Variants in NLGN1 observed in about 807,000 individuals in gnomAD.
NLGN1 encodes neuroligin 1, also known as neuroligin-1.
NLGN1 carries 12 observed loss-of-function variants against 65.5 expected under a neutral mutation model. That is an observed-to-expected ratio of 0.18 (90% CI 0.12 to 0.30). The LOEUF is 0.30. Ranked by LOEUF, NLGN1 falls within the 10% of genes least tolerant of loss-of-function variation. NLGN1 has a pLI of 1.00. For missense variants in NLGN1, 750 were observed against 1,007.1 expected (o/e 0.74, Z 3.46); for synonymous variants, 350 against 359.5 (o/e 0.97, Z 0.30).
intron 3 of NLGN1, among the ~76,000 whole-genome samples, chr3:173,785,963 A>T (rs1009247843): frequency 5.3e-5 from 8 of 152,180 alleles, no homozygotes; most frequent in African/African-American, 1.9e-4. Flanking sequence ...AGAAGAGGAA[A>T]GGGTCAAAAT....
intron 1 of NLGN1, among the ~76,000 whole-genome samples, chr3:173,402,902 C>A (rs1389150845): frequency 6.6e-6 from 1 of 152,072 alleles, no homozygotes; most frequent in Non-Finnish European, 1.5e-5. Context: ...GGGAAGAGGT[C>A]TGTTTTCCTG....
intron 4 of NLGN1, among the ~76,000 whole-genome samples, chr3:174,194,862 C>CCT (rs1733109176): frequency 1.6e-5 from 2 of 127,648 alleles, no homozygotes; most frequent in Admixed American, 8.4e-5. Context: ...TTTCTTTTTT[C>CCT]TTTTTTCTTT....
intron 3 of NLGN1, among the ~76,000 whole-genome samples, chr3:173,746,963 G>A (rs1256680139): frequency 6.6e-6 from 1 of 151,564 alleles, no homozygotes; most frequent in Non-Finnish European, 1.5e-5. Context: ...GGAGGCTGAG[G>A]CAGGAGAATA....
At chr3:173,811,477 G>A (rs1717910265) in intron 4 of NLGN1, among the ~76,000 whole-genome samples, 1 of 149,702 alleles carries the variant, frequency 6.7e-6, no homozygotes, top group South Asian at 2.1e-4. Context: ...GGCAGGAGAA[G>A]CATCACTTGA....
chr3:173,950,297 A>G (rs1747949509), intron 4 of NLGN1, among the ~76,000 whole-genome samples: 1 of 152,216 alleles, frequency 6.6e-6, no homozygotes, highest in Admixed American at 6.5e-5. Flanking sequence ...TGACATAAAA[A>G]TATATTTACT....
At chr3:173,763,134 C>T (rs904079229) in intron 3 of NLGN1, among the ~76,000 whole-genome samples, 17 of 152,096 alleles carry the variant, frequency 1.1e-4, no homozygotes, top group Admixed American at 3.9e-4. Flanking sequence ...TCTTTATCTT[C>T]TTGCAGTCTG....
At chr3:174,016,602 C>T (rs1236345849) in intron 4 of NLGN1, among the ~76,000 whole-genome samples, 1 of 152,124 alleles carries the variant, frequency 6.6e-6, no homozygotes, top group Admixed American at 6.6e-5. Flanking sequence ...AATGACAGCA[C>T]TCTCTGTAGA....
At chr3:173,848,219 A>T (rs929901959) in intron 4 of NLGN1, among the ~76,000 whole-genome samples, 6 of 152,198 alleles carry the variant, frequency 3.9e-5, no homozygotes, top group Non-Finnish European at 5.9e-5. Context: ...AAGACCCTAG[A>T]GGAATAGTTG....
chr3:173,756,089 G>T (rs150316773), intron 3 of NLGN1, among the ~76,000 whole-genome samples: 1 of 151,896 alleles, frequency 6.6e-6, no homozygotes, highest in South Asian at 2.1e-4. Flanking sequence ...ATTTCATTCA[G>T]TAATTCCGTT....
chr3:173,442,736 A>G (rs492345), intron 2 of NLGN1, among the ~76,000 whole-genome samples: 16,705 of 152,172 alleles, frequency 0.11, 1,038 homozygotes, highest in Admixed American at 0.14. Flanking sequence ...ATTTGATAAT[A>G]AATACCATGG....
intron 4 of NLGN1, among the ~76,000 whole-genome samples, chr3:174,133,438 T>C (rs1379115188): frequency 3.3e-5 from 5 of 152,100 alleles, no homozygotes; most frequent in African/African-American, 1.2e-4. Context: ...AAGTCTGGAG[T>C]CTAAGAAATT....
intron 1 of NLGN1, among the ~76,000 whole-genome samples, chr3:173,431,681 G>C (rs1225761003): frequency 6.6e-6 from 1 of 152,134 alleles, no homozygotes; most frequent in Non-Finnish European, 1.5e-5. Flanking sequence ...TCCTACACCA[G>C]AGTGGTACAT....
chr3:173,767,730 G>A (rs980110926), intron 3 of NLGN1, among the ~76,000 whole-genome samples: 75 of 152,060 alleles, frequency 4.9e-4, no homozygotes, highest in Admixed American at 4.2e-3. Context: ...AGAAATCTTA[G>A]TAAAACACAC....
At chr3:173,487,685 G>T (rs1728392882) in intron 2 of NLGN1, among the ~76,000 whole-genome samples, 2 of 151,938 alleles carry the variant, frequency 1.3e-5, no homozygotes, top group African/African-American at 4.8e-5. Flanking sequence ...CTAGTGAATT[G>T]TTCTGTGTAT....
chr3:174,250,631 A>C (rs951396601), intron 4 of NLGN1, among the ~76,000 whole-genome samples: 4 of 152,198 alleles, frequency 2.6e-5, no homozygotes, highest in Non-Finnish European at 5.9e-5. Context: ...AAAGAGACAG[A>C]GGAAAAAAGA....
chr3:174,101,982 A>G (rs1712614247), intron 4 of NLGN1, among the ~76,000 whole-genome samples: 1 of 152,200 alleles, frequency 6.6e-6, no homozygotes, highest in South Asian at 2.1e-4. Flanking sequence ...AAGATGTGTT[A>G]TGGAGTAGTA....
At chr3:173,799,607 C>G (rs959526709) in intron 3 of NLGN1, among the ~76,000 whole-genome samples, 3 of 151,892 alleles carry the variant, frequency 2.0e-5, no homozygotes, top group Non-Finnish European at 4.4e-5. Context: ...TTCTACTGAT[C>G]GAACTTTTGC....
intron 4 of NLGN1, among the ~76,000 whole-genome samples, chr3:174,191,482 CTGTT>C (rs1180590323): frequency 3.9e-5 from 6 of 152,128 alleles, no homozygotes; most frequent in Non-Finnish European, 8.8e-5. Flanking sequence ...ATTTGCTACA[CTGTT>C]TGTCTCTTAA....
intron 3 of NLGN1, among the ~76,000 whole-genome samples, chr3:173,666,263 A>T (rs1463758825): frequency 6.6e-6 from 1 of 152,130 alleles, no homozygotes. Context: ...ACCTCTGACC[A>T]TTGATGTAGA....
Sources: gnomAD v4.1 joint callset for allele counts (sites outside exome capture counted in the v4.1 genomes callset) on GRCh38, gnomAD v4.1.1 for gene constraint, MANE v1.5 for transcripts, NCBI Gene and HGNC (gene_info 2026-07-23, HGNC 2026-07-21) for gene names.